Variants in KDM6A observed in about 807,000 individuals in gnomAD.
KDM6A encodes lysine demethylase 6A, also known as lysine-specific demethylase 6A.
A neutral mutation model predicts 117.6 loss-of-function variants in KDM6A; 11 were observed. That is an observed-to-expected ratio of 0.09 (90% CI 0.06 to 0.15). KDM6A has a LOEUF of 0.15. KDM6A is among the 10% of genes least tolerant of loss of function. The pLI is 1.00. For missense variants in KDM6A, 799 were observed against 1,077.3 expected (o/e 0.74, Z 3.62); for synonymous variants, 384 against 396.1 (o/e 0.97, Z 0.36).
At chrX:45,005,978 A>T (rs1474087969) in intron 4 of KDM6A, among the ~76,000 whole-genome samples, 1 of 12,133 alleles carries the variant, frequency 8.2e-5, no homozygotes, top group African/African-American at 2.0e-4. Flanking sequence ...CACCCCCCCC[A>T]CCCCCCACCA....
At chrX:45,085,089 A>G (rs781470896) in intron 24 of KDM6A, among the ~76,000 whole-genome samples, 3 of 111,754 alleles carry the variant, frequency 2.7e-5, no homozygotes, top group Non-Finnish European at 5.6e-5. Context: ...GTAAAGTGCA[A>G]AGAGTTCTGG....
intron 18 of KDM6A, among the ~76,000 whole-genome samples, chrX:45,074,711 T>C (rs1006948727): frequency 5.3e-5 from 6 of 112,405 alleles, no homozygotes; most frequent in African/African-American, 1.9e-4. Context: ...AAGGCAGTTA[T>C]AATACTTTTG....
chrX:44,886,714 C>T (rs1213920816), intron 2 of KDM6A, among the ~76,000 whole-genome samples: 1 of 108,788 alleles, frequency 9.2e-6, no homozygotes, highest in Non-Finnish European at 1.9e-5. Context: ...TGGTCTTGAA[C>T]TCCTGACCTC....
chrX:45,102,088 A>T (rs1307025452), intron 27 of KDM6A, among the ~76,000 whole-genome samples: 1 of 111,620 alleles, frequency 9.0e-6, no homozygotes, highest in Non-Finnish European at 1.9e-5. Context: ...CGTGAAGTTG[A>T]TATTTTACCA....
chrX:44,991,030 G>T (rs1265252479), intron 4 of KDM6A, among the ~76,000 whole-genome samples: 1 of 111,947 alleles, frequency 8.9e-6, no homozygotes. Context: ...TAAACTCTCT[G>T]GGATTGGTAA....
rs762904069 is a variant in KDM6A at position 44,915,321 on chromosome X, C to T, written c.225+41334C>T. On this transcript the variant is annotated intron_variant, in intron 2 of 29. Transcript: ENST00000611820. The stretch of plus-strand genomic sequence containing the variant: ...AGCTAAAAATGACATCCCTCTGTTC[C>T]AATGCTGGAAAAAGTGACATTTCTC... Among the ~76,000 whole-genome samples the T allele has an allele frequency of 6.3e-5, 7 of 111,874 alleles. No individual in the cohort carries two copies. In the East Asian group the frequency reaches 2.0e-3, roughly 31 times the overall value.
At chrX:44,974,627 G>A (rs1242323460) in intron 3 of KDM6A, 39 bp from the exon 4 acceptor site, 1 of 960,534 alleles carries the variant, frequency 1.0e-6, no homozygotes, top group Non-Finnish European at 1.5e-6. Flanking sequence ...TGACTTTAAA[G>A]TGAGACATAA....
At chrX:45,082,176 C>T (rs147585648) in intron 21 of KDM6A, among the ~76,000 whole-genome samples, 7,558 of 110,205 alleles carry the variant, frequency 0.069, 366 homozygotes, top group East Asian at 0.36. Flanking sequence ...TGGTGATTCA[C>T]GCCTGTAATC....
At chrX:44,920,944 G>A (rs1190633523) in intron 2 of KDM6A, among the ~76,000 whole-genome samples, 1 of 97,535 alleles carries the variant, frequency 1.0e-5, no homozygotes, top group African/African-American at 3.8e-5. Context: ...GTGTGATTTC[G>A]GCTCGCTGCA....
Position 45,062,733 on chromosome X carries a change from A to T in KDM6A, c.1668A>T (p.Leu556Phe), listed in dbSNP as rs746663502. The change falls in exon 16 of 30, where the codon TTA becomes TTT. Residue 556 changes from leucine (L) to phenylalanine (F), a missense_variant. Coordinates refer to ENST00000611820, the MANE Select transcript of KDM6A (RefSeq NM_001291415.2). The stretch of plus-strand genomic sequence containing the variant: ...AACAGCTGGAAAGTCAGTTTGTCTT[A>T]ATGCAACAACACCAAGTGTGTATAG... ...MLEQLESQFV[L>F]MQQHQMRPTG... 1 of 1,180,580 alleles carries T rather than the reference A, an allele frequency of 8.5e-7. No homozygotes were observed. Among genetic ancestry groups the T allele is most frequent in the Non-Finnish European group, 1.2e-6 (1 of 867,029 alleles).
At chrX:44,971,395 ATGT>A (rs779739074) in intron 3 of KDM6A, among the ~76,000 whole-genome samples, 1 of 111,939 alleles carries the variant, frequency 8.9e-6, no homozygotes, top group Non-Finnish European at 1.9e-5. Context: ...ATATGTGATG[ATGT>A]TTTTGGGTAA....
At chrX:44,922,060 TTTTTAA>T (rs2035987068) in intron 2 of KDM6A, among the ~76,000 whole-genome samples, 2 of 71,564 alleles carry the variant, frequency 2.8e-5, no homozygotes, top group Non-Finnish European at 5.3e-5. Flanking sequence ...TTTTTTTTTT[TTTTTAA>T]GAGACAGAGC....
At chrX:44,922,027 C>G in intron 2 of KDM6A, among the ~76,000 whole-genome samples, 1 of 37,714 alleles carries the variant, frequency 2.7e-5, no homozygotes, top group African/African-American at 1.3e-4. Flanking sequence ...ATTGTGTGTG[C>G]CTTTTTTTTT....
intron 3 of KDM6A, among the ~76,000 whole-genome samples, chrX:44,962,381 G>A (rs139160738): frequency 0.011 from 1,193 of 111,552 alleles, 18 homozygotes; most frequent in African/African-American, 0.035. Flanking sequence ...TATAAACATC[G>A]CTGAGTATCT....
intron 17 of KDM6A, among the ~76,000 whole-genome samples, chrX:45,067,161 T>G (rs2044568111): frequency 8.9e-6 from 1 of 112,233 alleles, no homozygotes; most frequent in African/African-American, 3.2e-5. Context: ...ATATGGTATA[T>G]CTACCTTTTA....
At chrX:45,060,528 A>T (rs2044249241) in intron 13 of KDM6A, 81 bp from the exon 14 acceptor site, 2 of 780,264 alleles carry the variant, frequency 2.6e-6, no homozygotes, top group Non-Finnish European at 3.4e-6. Context: ...AAAAGTATGC[A>T]GCTTGTAAAG....
chrX:45,061,672 G>T (rs1160653196), intron 15 of KDM6A, among the ~76,000 whole-genome samples: 1 of 107,390 alleles, frequency 9.3e-6, no homozygotes, highest in Non-Finnish European at 1.9e-5. Context: ...TTATATTTTT[G>T]GTAGAGACTG....
intron 1 of KDM6A, 45 bp downstream of exon 1, chrX:44,873,757 A>G (rs757808500): frequency 1.5e-5 from 17 of 1,157,218 alleles, no homozygotes; most frequent in South Asian, 1.9e-5. Context: ...GACGGGCAGT[A>G]GCCGCTCTCC....
intron 4 of KDM6A, among the ~76,000 whole-genome samples, chrX:45,009,166 T>C (rs143413793): frequency 0.01 from 1,124 of 111,940 alleles, 14 homozygotes; most frequent in African/African-American, 0.035. Context: ...ATTAAGAAAG[T>C]AAAGGAATAT....
Sources: allele counts gnomAD v4.1 joint callset (sites outside exome capture counted in the v4.1 genomes callset), GRCh38; gene constraint gnomAD v4.1.1; transcripts MANE v1.5; gene names NCBI Gene and HGNC (gene_info 2026-07-23, HGNC 2026-07-21).